The following CCDC144A variants were observed in gnomAD, a reference collection of about 807,000 sequenced individuals.
CCDC144A encodes the protein coiled-coil domain containing 144A.
In CCDC144A, 41 loss-of-function variants were observed where a neutral mutation model predicts 143.8. The ratio of observed to expected loss-of-function variants is 0.29; its 90% CI spans 0.22 to 0.37. CCDC144A has a LOEUF of 0.37. Ranked by LOEUF, CCDC144A falls within the 10% of genes least tolerant of loss-of-function variation. The probability of loss-of-function intolerance (pLI) is 1.00; values close to 1 mark genes in which losing one functional copy is unlikely to be tolerated. For synonymous variants in CCDC144A, 242 were observed against 517.9 expected, an observed-to-expected ratio of 0.47 and a Z score of 7.23; for missense variants, 637 against 1,488.8, an observed-to-expected ratio of 0.43 and a Z score of 9.41.
intron 6 of CCDC144A, among the ~76,000 whole-genome samples, chr17:16,717,543 T>G (rs1417328887): frequency 2.0e-4 from 30 of 152,306 alleles, no homozygotes; most frequent in South Asian, 6.2e-4. Flanking sequence ...ATTCTCCAAG[T>G]GGAGTAGTTT....
At chr17:16,726,180 C>T (rs1320908211) in intron 8 of CCDC144A, among the ~76,000 whole-genome samples, 1 of 151,696 alleles carries the variant, frequency 6.6e-6, no homozygotes, top group African/African-American at 2.4e-5. Context: ...AGATCGAGAC[C>T]ATCCTGGCTA....
In CCDC144A at chr17:16,728,092, G is replaced by T. The variant is rs1913519800; in HGVS notation, c.2105+352G>T. On this transcript the variant is annotated intron_variant, in intron 9 of 16. Coordinates refer to ENST00000399273, the MANE Select transcript of CCDC144A (RefSeq NM_001382000.1). ...GTAGACACAGGGTCTCTGTGCCTGG[G>T]ACTGGAGTTCACTGGTGTGATCATA... is the stretch of plus-strand genomic sequence containing the variant. Among the ~76,000 whole-genome samples the T allele has an allele frequency of 2.0e-5, 3 of 152,108 alleles. No homozygotes were observed. The South Asian group carries it at 6.2e-4, about 32-fold the overall frequency.
intron 2 of CCDC144A, among the ~76,000 whole-genome samples, chr17:16,699,534 C>T (rs1911613639): frequency 2.7e-5 from 1 of 36,408 alleles, no homozygotes. Flanking sequence ...AGCCACCGCG[C>T]CCGGCCTGGA....
intron 15 of CCDC144A, chr17:16,765,877 T>A (rs1471238176): frequency 2.0e-5 from 3 of 152,234 alleles, no homozygotes; most frequent in Non-Finnish European, 2.9e-5. Flanking sequence ...CGTCTGTAAA[T>A]GGTTAAGCAA....
chr17:16,756,321 T>A (rs1170321081), intron 12 of CCDC144A, among the ~76,000 whole-genome samples: 1 of 152,198 alleles, frequency 6.6e-6, no homozygotes, highest in Non-Finnish European at 1.5e-5. Flanking sequence ...TATTTTTGCT[T>A]TTTGTTTGCC....
intron 1 of CCDC144A, among the ~76,000 whole-genome samples, 164 bp from the exon 2 acceptor site, chr17:16,692,815 A>T (rs2143030957): frequency 6.6e-6 from 1 of 151,806 alleles, no homozygotes; most frequent in African/African-American, 2.4e-5. Flanking sequence ...CTTCTTCAGA[A>T]GCTTAAAGAG....
upstream of CCDC144A, among the ~76,000 whole-genome samples, chr17:16,688,112 G>T (rs117702921): frequency 0.18 from 27,810 of 150,822 alleles, 4,336 homozygotes; most frequent in African/African-American, 0.42. Context: ...TCACTGACAT[G>T]TATCAATATT....
At chr17:16,685,303 A>G (rs999732602), upstream of CCDC144A, among the ~76,000 whole-genome samples, 1 of 152,064 alleles carries the variant, frequency 6.6e-6, no homozygotes, top group Non-Finnish European at 1.5e-5. Context: ...CTGGGATTAC[A>G]TTTGTTTTAT....
intron 15 of CCDC144A, chr17:16,764,415 T>A: frequency 1.8e-6 from 1 of 561,746 alleles, no homozygotes. Flanking sequence ...ACATTTTAAA[T>A]TTTTTTAAAA....
rs188152257 is a variant in CCDC144A at position 16,724,017 on chromosome 17, A to G, written c.1891+3359A>G. Among the ~76,000 whole-genome samples, 206 of 151,754 alleles carry G rather than the reference A, an allele frequency of 1.4e-3. 1 individual carries two copies. The highest frequency in any genetic ancestry group is 4.4e-3 in the East Asian group (23 of 5,188). ...TTAAGTACTGTTGTAGCTGTGTTCC[A>G]CAAATCCTGATATGTAATATTTTCA... On this transcript the variant is annotated intron_variant, in intron 8 of 16. Coordinates refer to ENST00000399273, the MANE Select transcript of CCDC144A (RefSeq NM_001382000.1).
chr17:16,735,451 C>A lies in CCDC144A; in HGVS notation c.3180C>A (p.His1060Gln). The A allele has an allele frequency of 6.2e-7, 1 of 1,612,164 alleles. No individual in the cohort carries two copies. Among genetic ancestry groups the A allele is most frequent in the Non-Finnish European group, 8.5e-7 (1 of 1,179,622 alleles). ...MLLRQQLDDA[H>Q]KKANSQEKTS... ...TTCGACAGCAACTGGATGATGCTCA[C>A]AAGAAAGCTAACAGTCAAGAAAAGA... The change falls in exon 12 of 17, where the codon CAC becomes CAA. Residue 1060 changes from histidine (H) to glutamine (Q), a missense_variant. His to Gln is a conservative substitution (Grantham distance 24). Transcript: ENST00000399273.
chr17:16,672,062 C>G, the CCDC144A span, among the ~76,000 whole-genome samples: 2 of 151,996 alleles, frequency 1.3e-5, no homozygotes, highest in Non-Finnish European at 2.9e-5. Flanking sequence ...TAATACACAT[C>G]CCCCCAACCA....
intron 4 of CCDC144A, among the ~76,000 whole-genome samples, chr17:16,708,011 A>G (rs1048359758): frequency 1.3e-5 from 2 of 152,090 alleles, no homozygotes; most frequent in Non-Finnish European, 2.9e-5. Flanking sequence ...TTCACGGTCT[A>G]CATTCAGTGA....
At chr17:16,670,958 A>C in the CCDC144A span, among the ~76,000 whole-genome samples, 1 of 152,128 alleles carries the variant, frequency 6.6e-6, no homozygotes, top group African/African-American at 2.4e-5. Context: ...TTTTAAAAGA[A>C]GTATTTTAAA....
chr17:16,702,921 A>C (rs1458888884), intron 2 of CCDC144A, among the ~76,000 whole-genome samples: 1 of 152,020 alleles, frequency 6.6e-6, no homozygotes. Flanking sequence ...GTTGTGCTTT[A>C]AGTTTAATTA....
At chr17:16,770,067 C>A (rs1915764982) in intron 15 of CCDC144A, among the ~76,000 whole-genome samples, 1 of 151,622 alleles carries the variant, frequency 6.6e-6, no homozygotes, top group South Asian at 2.1e-4. Context: ...ACCTTGTGAT[C>A]CACCCAATTC....
intron 12 of CCDC144A, among the ~76,000 whole-genome samples, chr17:16,754,050 A>G (rs1384383878): frequency 2.4e-4 from 37 of 152,064 alleles, no homozygotes; most frequent in Non-Finnish European, 5.0e-4. Flanking sequence ...TTCTTGGTTC[A>G]TTCTTGCTGG....
At chr17:16,726,729 T>C (rs1022001218) in intron 8 of CCDC144A, among the ~76,000 whole-genome samples, 2 of 152,154 alleles carry the variant, frequency 1.3e-5, no homozygotes, top group African/African-American at 2.4e-5. Flanking sequence ...GTTACTCTGC[T>C]AGATACTCAG....
At chr17:16,726,330 G>A (rs1173465018) in intron 8 of CCDC144A, among the ~76,000 whole-genome samples, 4 of 146,578 alleles carry the variant, frequency 2.7e-5, no homozygotes, top group African/African-American at 1.0e-4. Flanking sequence ...GCAGTGAGCC[G>A]AGATCAAGCC....
Sources: allele counts gnomAD v4.1 joint callset (sites outside exome capture counted in the v4.1 genomes callset), GRCh38; gene constraint gnomAD v4.1.1; transcripts MANE v1.5; gene names NCBI Gene and HGNC (gene_info 2026-07-23, HGNC 2026-07-21).